SLC35A1: variants seen among roughly 807,000 people sequenced by gnomAD.
SLC35A1 encodes solute carrier family 35 member A1, also known as CMP-sialic acid transporter.
In SLC35A1, 21 loss-of-function variants were observed where a neutral mutation model predicts 40.3. The observed-to-expected ratio is 0.52, with a 90% CI of 0.37 to 0.75. The LOEUF (loss-of-function observed/expected upper bound fraction) is 0.75. Among genes scored for constraint, SLC35A1 ranks in the 30% least tolerant of loss-of-function variants. SLC35A1 has a pLI of 0.00. For missense variants in SLC35A1, 297 were observed against 382.1 expected (o/e 0.78, Z 1.86); for synonymous variants, 146 against 147.3 (o/e 0.99, Z 0.06).
At chr6:87,491,878 C>G (rs1471185538) in intron 2 of SLC35A1, among the ~76,000 whole-genome samples, 1 of 152,188 alleles carries the variant, frequency 6.6e-6, no homozygotes, top group Admixed American at 6.5e-5. Flanking sequence ...CATCACCTCA[C>G]TAAACCTAAG....
In SLC35A1 at chr6:87,473,136, G is replaced by A. The variant is rs1465637393; in HGVS notation, c.16+117G>A. 9.9e-6 allele frequency: 4 copies of A among 405,506 alleles called. No individual in the cohort carries two copies. In the South Asian group the frequency reaches 3.6e-4, roughly 36 times the overall value. 25.1% of individuals were successfully genotyped at this position (405,506 alleles called of 1,614,324 possible). Reference sequence around the variant, plus strand: ...ACCCTGGTTGCCCAGTGCCTCTGGGGCCTGGCTGAGGCGTCAGGAGTTTGC... The same window carrying A: ...ACCCTGGTTGCCCAGTGCCTCTGGGACCTGGCTGAGGCGTCAGGAGTTTGC... On this transcript the variant is annotated intron_variant, in intron 1 of 7. Coordinates refer to ENST00000369552, the MANE Select transcript of SLC35A1 (RefSeq NM_006416.5).
At chr6:87,503,436 T>C (rs1026112218) in intron 4 of SLC35A1, among the ~76,000 whole-genome samples, 11 of 152,250 alleles carry the variant, frequency 7.2e-5, no homozygotes, top group African/African-American at 2.7e-4. Flanking sequence ...ATTGTACCTT[T>C]ATCCTCACTA....
intron 4 of SLC35A1, among the ~76,000 whole-genome samples, chr6:87,502,478 C>T (rs923454528): frequency 4.6e-5 from 7 of 152,204 alleles, no homozygotes; most frequent in African/African-American, 1.7e-4. Context: ...GTATAGACTA[C>T]TTACTACACA....
At chr6:87,484,017 A>G (rs897320023) in intron 2 of SLC35A1, among the ~76,000 whole-genome samples, 1 of 152,186 alleles carries the variant, frequency 6.6e-6, no homozygotes, top group Admixed American at 6.5e-5. Flanking sequence ...ATTCACGCAC[A>G]CACACATTCA....
In SLC35A1 at chr6:87,511,916, C is replaced by T; in HGVS notation, c.*390C>T. ...TTTCTGTACTAACTGTTCTCTTGTTCCGGTACCGGGGAGAAGGATGACCCC... is the reference window on the plus strand; with the variant it reads ...TTTCTGTACTAACTGTTCTCTTGTTTCGGTACCGGGGAGAAGGATGACCCC... On this transcript the variant is annotated 3_prime_UTR_variant, in exon 8 of 8. Transcript: ENST00000369552. 1 of 271,142 alleles carries T rather than the reference C, an allele frequency of 3.7e-6. No individual in the cohort carries two copies. The highest frequency in any genetic ancestry group is 7.2e-6 in the Non-Finnish European group (1 of 138,710). 16.8% of individuals were successfully genotyped at this position (271,142 alleles called of 1,614,324 possible).
chr6:87,499,403 G>T (rs1431353812), intron 2 of SLC35A1, among the ~76,000 whole-genome samples: 1 of 152,108 alleles, frequency 6.6e-6, no homozygotes, highest in Non-Finnish European at 1.5e-5. Context: ...TTATTATAAA[G>T]CACTTCTTTT....
At chr6:87,507,643 T>C (rs769543449) in intron 5 of SLC35A1, among the ~76,000 whole-genome samples, 4 of 152,128 alleles carry the variant, frequency 2.6e-5, no homozygotes, top group Non-Finnish European at 4.4e-5. Context: ...AAGTACTTCA[T>C]TGGCAGTTCC....
At chr6:87,490,887 CA>C (rs1171801112) in intron 2 of SLC35A1, among the ~76,000 whole-genome samples, 1 of 152,146 alleles carries the variant, frequency 6.6e-6, no homozygotes, top group Non-Finnish European at 1.5e-5. Flanking sequence ...TAATCATTGT[CA>C]AAATGTGTTA....
At chr6:87,500,160 G>T (rs902658353) in intron 2 of SLC35A1, among the ~76,000 whole-genome samples, 3 of 151,958 alleles carry the variant, frequency 2.0e-5, no homozygotes, top group African/African-American at 7.3e-5. Flanking sequence ...AAGTAATCAG[G>T]GTGAACTTGA....
chr6:87,496,367 AAT>A (rs1443119652), intron 2 of SLC35A1, among the ~76,000 whole-genome samples: 2 of 152,230 alleles, frequency 1.3e-5, no homozygotes, highest in Admixed American at 6.5e-5. Flanking sequence ...AAAGAAATTT[AAT>A]ATATGTTTTT....
intron 3 of SLC35A1, among the ~76,000 whole-genome samples, 178 bp from the exon 4 acceptor site, chr6:87,500,980 C>T (rs559335003): frequency 1.3e-5 from 2 of 152,054 alleles, no homozygotes; most frequent in South Asian, 4.1e-4. Context: ...ATCTCCAGAC[C>T]TCGTGATCCA....
intron 7 of SLC35A1, 109 bp downstream of exon 7, chr6:87,509,284 T>C (rs955358377): frequency 1.4e-6 from 2 of 1,382,920 alleles, no homozygotes; most frequent in Non-Finnish European, 1.0e-6. Flanking sequence ...TTACAGAAAT[T>C]CCTAGCTTTG....
At chr6:87,491,526 A>AAGC (rs1769553064) in intron 2 of SLC35A1, among the ~76,000 whole-genome samples, 1 of 152,234 alleles carries the variant, frequency 6.6e-6, no homozygotes. Flanking sequence ...AGACAAAGAT[A>AAGC]AGCACAGTGG....
At position 87,477,476 on chromosome 6, in the gene SLC35A1, C is replaced by T; in HGVS notation, c.131C>T (p.Ser44Leu). The change falls in exon 2 of 8, where the codon TCA becomes TTA. Residue 44 changes from serine to leucine, a missense_variant. Transcript: ENST00000369552. ...ACATCAGACAAAGAACTCTACTTTT[C>T]AACCACAGCCGTGTGTATCACAGAA... ...TRTSDKELYFSTTAVCITEVI... is the reference protein window; with the variant it reads ...TRTSDKELYFLTTAVCITEVI... 3.1e-6 allele frequency: 5 copies of T among 1,614,058 alleles called. No homozygotes were observed. Among genetic ancestry groups the T allele is most frequent in the Non-Finnish European group, 4.2e-6 (5 of 1,179,966 alleles).
intron 7 of SLC35A1, 31 bp downstream of exon 7, chr6:87,509,206 A>T: frequency 6.2e-7 from 1 of 1,613,516 alleles, no homozygotes; most frequent in African/African-American, 1.3e-5. Context: ...AGTTTTTAAC[A>T]TGGAAGAGCC....
chr6:87,475,244 A>G (rs1188058369), intron 1 of SLC35A1, among the ~76,000 whole-genome samples: 2 of 152,240 alleles, frequency 1.3e-5, no homozygotes, highest in African/African-American at 4.8e-5. Flanking sequence ...ATATCACAAG[A>G]TGTTATTACA....
chr6:87,476,235 T>C (rs1263620414), intron 1 of SLC35A1, among the ~76,000 whole-genome samples: 2 of 152,258 alleles, frequency 1.3e-5, no homozygotes, highest in East Asian at 3.8e-4. Flanking sequence ...TTTTCCTGTG[T>C]TATGAATTAT....
intron 2 of SLC35A1, among the ~76,000 whole-genome samples, chr6:87,488,907 A>G (rs139556638): frequency 6.4e-4 from 98 of 152,374 alleles, no homozygotes; most frequent in African/African-American, 2.3e-3. Flanking sequence ...GAGAGGTTCT[A>G]TAACCAGGTA....
intron 2 of SLC35A1, chr6:87,488,114 T>A (rs1243989017): frequency 1.3e-5 from 2 of 152,160 alleles, no homozygotes; most frequent in Non-Finnish European, 2.9e-5. Flanking sequence ...TAGGTATAAT[T>A]TAAAGTTTTT....
Sources: gnomAD v4.1 joint callset for allele counts (sites outside exome capture counted in the v4.1 genomes callset) on GRCh38, gnomAD v4.1.1 for gene constraint, MANE v1.5 for transcripts, NCBI Gene and HGNC (gene_info 2026-07-23, HGNC 2026-07-21) for gene names.